Variants in FNDC3B observed in about 807,000 individuals in gnomAD.
FNDC3B encodes the protein fibronectin type III domain-containing protein 3B.
FNDC3B carries 12 observed loss-of-function variants against 151.5 expected under a neutral mutation model. The ratio of observed to expected loss-of-function variants is 0.08; its 90% confidence interval spans 0.05 to 0.13. FNDC3B has a LOEUF of 0.13. FNDC3B is among the 10% of genes least tolerant of loss of function. The probability of loss-of-function intolerance (pLI) is 1.00; values close to 1 mark genes in which losing one functional copy is unlikely to be tolerated. For synonymous variants in FNDC3B, 528 were observed against 549.0 expected (o/e 0.96, Z 0.54); for missense variants, 1,214 against 1,505.3 (o/e 0.81, Z 3.20).
rs1278970446 is a variant in FNDC3B at position 172,172,830 on chromosome 3, T to A, written c.187+39284T>A. ...GGTCACCATTTAAATATAAGGGACC[T>A]ATTTTGCTTCTTTCATATTCTTCGA... On this transcript the variant is annotated intron_variant, in intron 3 of 25. Transcript: ENST00000415807. Among the ~76,000 whole-genome samples the A allele has an allele frequency of 2.8e-5, 4 of 145,148 alleles. No individual in the cohort carries two copies. The South Asian group carries it at 6.7e-4, about 24-fold the overall frequency.
chr3:172,069,697 C>T (rs1209926820), intron 1 of FNDC3B, among the ~76,000 whole-genome samples: 1 of 152,184 alleles, frequency 6.6e-6, no homozygotes, highest in Non-Finnish European at 1.5e-5. Context: ...GTTTCAGCTT[C>T]ACTGGGAGGG....
chr3:172,178,220 G>A (rs1259340984), intron 3 of FNDC3B, among the ~76,000 whole-genome samples: 1 of 152,046 alleles, frequency 6.6e-6, no homozygotes, highest in African/African-American at 2.4e-5. Context: ...AGTCATCAGG[G>A]AATAGAGGTT....
chr3:172,298,714 C>A lies in FNDC3B; in HGVS notation c.1002-14C>A. On this transcript the variant is annotated splice_polypyrimidine_tract_variant and intron_variant, in intron 8 of 25. Coordinates refer to ENST00000415807, the MANE Select transcript of FNDC3B (RefSeq NM_022763.4). ...AACTGGAATTAGCAACTAATGAATG[C>A]TTTTTCTTTACAGTGGAGAAGAATT... 1 of 1,592,474 alleles carries A rather than the reference C, an allele frequency of 6.3e-7. No homozygotes were observed. Among genetic ancestry groups the A allele is most frequent in the Non-Finnish European group, 8.6e-7 (1 of 1,169,560 alleles).
chr3:172,084,323 C>T lies in FNDC3B; in HGVS notation c.-28-28129C>T, dbSNP rs530384310. 1.7e-4 allele frequency among the ~76,000 whole-genome samples: 26 copies of T among 152,060 alleles called. No individual in the cohort carries two copies. In the South Asian group the frequency reaches 4.4e-3, roughly 26 times the overall value. On this transcript the variant is annotated intron_variant, in intron 1 of 25. Transcript: ENST00000415807. ...AAAATTAGCTGGGCGTGGTGGTGCA[C>T]GCTTGTAGGCCCAGCTATTCGGGAG...
chr3:172,074,291 C>G (rs1397723465), intron 1 of FNDC3B, among the ~76,000 whole-genome samples: 1 of 152,200 alleles, frequency 6.6e-6, no homozygotes, highest in African/African-American at 2.4e-5. Context: ...AGACCTAATT[C>G]TCTGCTTACA....
rs1430232317 is a variant in FNDC3B, at chr3:172,247,405, T to A, written c.265-128T>A. The A allele has an allele frequency of 3.1e-6, 3 of 982,604 alleles. No individual in the cohort carries two copies. In the Admixed American group the frequency reaches 7.3e-5, roughly 24 times the overall value. 60.9% of individuals were successfully genotyped at this position (982,604 alleles called of 1,614,324 possible). A position where few individuals can be genotyped will look rare whatever the true frequency, so the allele number is the denominator to read the frequency against. On this transcript the variant is annotated intron_variant, in intron 4 of 25. Transcript: ENST00000415807. ...GACTGGTTGAACTAGAGAACCAGAA[T>A]ACAACATGCATTTGTTTTTTTCTAT...
At chr3:172,243,628 A>G (rs376601867) in intron 4 of FNDC3B, among the ~76,000 whole-genome samples, 228 of 152,350 alleles carry the variant, frequency 1.5e-3, no homozygotes, top group African/African-American at 3.6e-3. Context: ...ACATGTGGGA[A>G]GTCAAGATGA....
intron 11 of FNDC3B, chr3:172,317,245 G>A: frequency 2.4e-6 from 1 of 417,200 alleles, no homozygotes; most frequent in Non-Finnish European, 4.7e-6. Context: ...GTGCAGTGGT[G>A]CGATCTCAGC....
intron 1 of FNDC3B, among the ~76,000 whole-genome samples, chr3:172,075,760 CACACACAA>C (rs1183996222): frequency 7.2e-6 from 1 of 139,186 alleles, no homozygotes; most frequent in Admixed American, 7.6e-5. Flanking sequence ...CACACACACA[CACACACAA>C]ACATTTATAT....
chr3:172,167,418 G>A (rs1022272604), intron 3 of FNDC3B, among the ~76,000 whole-genome samples: 2 of 152,146 alleles, frequency 1.3e-5, no homozygotes, highest in Admixed American at 6.5e-5. Context: ...CTCCAAGAGG[G>A]TTGCAGTTTC....
At chr3:172,304,562 A>G (rs912265830) in intron 9 of FNDC3B, among the ~76,000 whole-genome samples, 4 of 152,194 alleles carry the variant, frequency 2.6e-5, no homozygotes, top group Non-Finnish European at 2.9e-5. Context: ...TAAAGCGGGG[A>G]GCTGCCCACA....
At chr3:172,130,469 T>C (rs1721019166) in intron 2 of FNDC3B, among the ~76,000 whole-genome samples, 2 of 152,064 alleles carry the variant, frequency 1.3e-5, no homozygotes, top group African/African-American at 2.4e-5. Flanking sequence ...GCCCGTTACC[T>C]ATCATCTTTC....
In FNDC3B at chr3:172,399,765, G is replaced by C. The variant is rs375890117; in HGVS notation, c.*2290G>C. On this transcript the variant is annotated 3_prime_UTR_variant, in exon 26 of 26. Transcript: ENST00000415807. The stretch of plus-strand genomic sequence containing the variant: ...CAACTGAGTACAAAGCCCCCTCTTG[G>C]GGGGTTGGGGAAGTCTCTTTTTTGA... 1 of 152,572 alleles carries C rather than the reference G, an allele frequency of 6.6e-6. No homozygotes were observed. The allele number at this position is 152,572 out of a possible 1,614,324, so 9.5% of individuals were successfully genotyped here.
intron 6 of FNDC3B, among the ~76,000 whole-genome samples, chr3:172,278,516 G>C (rs1050379725): frequency 6.6e-6 from 1 of 152,186 alleles, no homozygotes; most frequent in Non-Finnish European, 1.5e-5. Context: ...AAAAACACAG[G>C]GAAGAAGAGG....
At chr3:172,238,429 A>G (rs1017244822) in intron 4 of FNDC3B, among the ~76,000 whole-genome samples, 28 of 152,256 alleles carry the variant, frequency 1.8e-4, no homozygotes, top group African/African-American at 5.8e-4. Context: ...TACAGAGATT[A>G]CAGTCATGAA....
intron 3 of FNDC3B, among the ~76,000 whole-genome samples, chr3:172,175,778 AG>A (rs1293710319): frequency 6.6e-6 from 1 of 152,202 alleles, no homozygotes; most frequent in Non-Finnish European, 1.5e-5. Context: ...GCGTTGGAGA[AG>A]TGTGAAGGGT....
intron 11 of FNDC3B, among the ~76,000 whole-genome samples, chr3:172,313,602 C>G (rs1188937319): frequency 6.6e-6 from 1 of 152,192 alleles, no homozygotes; most frequent in African/African-American, 2.4e-5. Context: ...GTAAAGATAA[C>G]TGTGATAGCT....
chr3:172,392,799 TTTTTTTTTTTC>T (rs1263602711), intron 25 of FNDC3B, among the ~76,000 whole-genome samples: 1 of 55,042 alleles, frequency 1.8e-5, no homozygotes, highest in Non-Finnish European at 4.0e-5. Flanking sequence ...GAATTTTTTC[TTTTTTTTTTTC>T]TTTTTTTTTT....
chr3:172,041,170 C>T (rs964923736), intron 1 of FNDC3B, among the ~76,000 whole-genome samples: 2 of 152,072 alleles, frequency 1.3e-5, no homozygotes, highest in South Asian at 2.1e-4. Context: ...GTTTCTAGTC[C>T]CCCCTCCCCC....
Sources: allele counts gnomAD v4.1 joint callset (sites outside exome capture counted in the v4.1 genomes callset), GRCh38; gene constraint gnomAD v4.1.1; transcripts MANE v1.5; gene names NCBI Gene and HGNC (gene_info 2026-07-23, HGNC 2026-07-21).